MUC5B: variants seen among roughly 807,000 people sequenced by gnomAD.
The protein encoded by MUC5B is mucin 5B, oligomeric mucus/gel-forming, also known as mucin-5B.
Under a neutral mutation model 376.9 loss-of-function variants are expected in MUC5B, and 116 were observed. The ratio of observed to expected loss-of-function variants is 0.31; its 90% CI spans 0.26 to 0.36. The LOEUF is 0.36. MUC5B is among the 10% of genes least tolerant of loss of function. The pLI, the probability that MUC5B is intolerant of heterozygous loss-of-function variation, is 1.00. For missense variants in MUC5B, 7,165 were observed against 7,769.9 expected (o/e 0.92, Z 2.93); for synonymous variants, 3,517 against 3,390.9 (o/e 1.04, Z -1.29).
chr11:1,252,911 G>T lies in MUC5B; in HGVS notation c.15148G>T (p.Val5050Leu), dbSNP rs56284214. The change falls in exon 33 of 49, where the codon GTG (valine) becomes TTG (leucine). Residue 5050 changes from valine (V) to leucine (L), a missense_variant. This residue lies in a region of MUC5B where 842 missense variants were observed against 1,016.9 expected (regional missense o/e 0.83). Coordinates refer to ENST00000529681, the MANE Select transcript of MUC5B (RefSeq NM_002458.3). ...AAAGCCTGTGGCCAACGTCACCTGC[G>T]TGAACAAGCACCTGCCCATCAAAGT... ...DPKPVANVTC[V>L]NKHLPIKVSD... 328 of 1,612,668 alleles carry T rather than the reference G, an allele frequency of 2.0e-4. No homozygotes were observed. In the African/African-American group the frequency reaches 3.8e-3, roughly 19 times the overall value.
chr11:1,260,450 T>C, intron 47 of MUC5B, 57 bp downstream of exon 47: 7 of 1,592,316 alleles, frequency 4.4e-6, no homozygotes, highest in Non-Finnish European at 6.0e-6. Context: ...TCGCCACCCA[T>C]CCATTCCTGC....
chr11:1,243,812 C>A lies in MUC5B; in HGVS notation c.6932C>A (p.Thr2311Asn). ...TCGGCCCCCATAACCACGGTGGTGA[C>A]CATGGGCTGTGAGCCCCAGTGTGCC... ...PTSAPITTVV[T>N]MGCEPQCAWS... Residue 2311 changes from threonine to asparagine, a missense_variant, in exon 31 of 49, where the codon ACC becomes AAC. Physicochemically the swap from Thr to Asn is moderately conservative, Grantham distance 65. This residue lies in a region of MUC5B where 26 missense variants were observed against 36.2 expected (regional missense o/e 0.72). Transcript: ENST00000529681. The A allele has an allele frequency of 6.2e-7, 1 of 1,611,638 alleles. No individual in the cohort carries two copies. Among genetic ancestry groups the A allele is most frequent in the East Asian group, 2.2e-5 (1 of 44,854 alleles).
Position 1,229,238 on chromosome 11 carries a change from C to A in MUC5B, c.1045C>A (p.Pro349Thr), listed in dbSNP as rs548394656. ...GSPCTDTCSN[P>T]QRAQLCEDHC... ...ACCCTGCACGGACACCTGCTCCAAC[C>A]CCCAGCGCGCGCAGCTCTGCGAGGA... Residue 349 changes from proline (P) to threonine (T), a missense_variant, in exon 9 of 49, where the codon CCC (proline) becomes ACC (threonine). Physicochemically the swap from Pro to Thr is conservative, Grantham distance 38. Coordinates refer to ENST00000529681, the MANE Select transcript of MUC5B (RefSeq NM_002458.3). 1.8e-5 allele frequency: 28 copies of A among 1,596,000 alleles called. No homozygotes were observed. The East Asian group carries it at 6.1e-4, about 35-fold the overall frequency.
chr11:1,230,158 C>T lies in MUC5B; in HGVS notation c.1359+15C>T. 6.3e-7 allele frequency: 1 copy of T among 1,580,090 alleles called. No individual in the cohort carries two copies. Among genetic ancestry groups the T allele is most frequent in the Non-Finnish European group, 8.6e-7 (1 of 1,164,850 alleles). ...TTCTGTCCAAGGTCTGGGCTTGGGG[C>T]CGGGTCTTCAGACACCCAGACCCTC... On this transcript the variant is annotated intron_variant, in intron 11 of 48. Coordinates refer to ENST00000529681, the MANE Select transcript of MUC5B (RefSeq NM_002458.3).
chr11:1,233,293 C>T (rs765023878), intron 18 of MUC5B, 25 bp downstream of exon 18: 4 of 1,504,614 alleles, frequency 2.7e-6, no homozygotes, highest in Non-Finnish European at 3.6e-6. Flanking sequence ...GGAAAGCAGG[C>T]CCCCCAGGTG....
At chr11:1,225,077 G>A (rs1323899046) in intron 1 of MUC5B, among the ~76,000 whole-genome samples, 1 of 152,222 alleles carries the variant, frequency 6.6e-6, no homozygotes, top group Non-Finnish European at 1.5e-5. Flanking sequence ...GGGACCTTGG[G>A]CGGCCATCCC....
intron 33 of MUC5B, 34 bp from the exon 34 acceptor site, chr11:1,254,058 G>A (rs766988627): frequency 4.8e-5 from 77 of 1,595,714 alleles, no homozygotes; most frequent in Non-Finnish European, 5.5e-5. Flanking sequence ...GCACCACCAC[G>A]GAGCCTGCCA....
Position 1,231,000 on chromosome 11 carries a change from C to A in MUC5B, c.1535C>A (p.Ser512Ter). The change falls in exon 13 of 49, where the codon TCG becomes TAG. Residue 512 changes from serine to a stop codon, truncating the protein, a stop_gained. Transcript: ENST00000529681. LOFTEE classifies it high-confidence loss of function. ...TCCATCTACACGCAGCTGCCCCTGTCGGCAGGTATGTGGCTCTCCCAGGAC... is the reference window on the plus strand; with the variant it reads ...TCCATCTACACGCAGCTGCCCCTGTAGGCAGGTATGTGGCTCTCCCAGGAC... ...LNSIYTQLPL[S>*]AANITLFTPS... is the part of the protein sequence containing the mutation. 1 of 1,592,538 alleles carries A rather than the reference C, an allele frequency of 6.3e-7. No individual in the cohort carries two copies. Among genetic ancestry groups the A allele is most frequent in the Non-Finnish European group, 8.5e-7 (1 of 1,170,742 alleles).
Position 1,258,433 on chromosome 11 carries a change from C to A in MUC5B, c.16593+66C>A. 1 of 1,561,332 alleles carries A rather than the reference C, an allele frequency of 6.4e-7. No homozygotes were observed. Among genetic ancestry groups the A allele is most frequent in the Non-Finnish European group, 8.7e-7 (1 of 1,147,018 alleles). The stretch of plus-strand genomic sequence containing the variant: ...AACATGTGTGTGGGATGCCCCGGGG[C>A]TCTCTGAGCCCCACTCCTTGTCTTG... On this transcript the variant is annotated intron_variant, in intron 43 of 48. Transcript: ENST00000529681. The surrounding 1 kb of genome is among the most constrained non-coding windows in gnomAD (Gnocchi z 5.5).
Position 1,242,834 on chromosome 11 carries a change from C to T in MUC5B, c.5954C>T (p.Ser1985Phe). Residue 1985 changes from serine (S) to phenylalanine (F), a missense_variant, in exon 31 of 49, where the codon TCT (serine) becomes TTT (phenylalanine). Ser to Phe is a radical substitution (Grantham distance 155, BLOSUM62 -2). Coordinates refer to ENST00000529681, the MANE Select transcript of MUC5B (RefSeq NM_002458.3). ...PTATSVTPIP[S>F]SSLGTTWTRL... Reference sequence around the variant, plus strand: ...GCTACCAGCGTTACACCCATCCCCTCTTCCTCCCTGGGCACCACCTGGACC... The same window carrying T: ...GCTACCAGCGTTACACCCATCCCCTTTTCCTCCCTGGGCACCACCTGGACC... The T allele has an allele frequency of 6.2e-7, 1 of 1,613,472 alleles. No individual in the cohort carries two copies. The highest frequency in any genetic ancestry group is 8.5e-7 in the Non-Finnish European group (1 of 1,179,714).
intron 2 of MUC5B, 149 bp downstream of exon 2, chr11:1,225,886 G>A (rs780354328): frequency 3.7e-5 from 28 of 762,620 alleles, no homozygotes; most frequent in East Asian, 1.1e-4. Flanking sequence ...CCCAGCACCC[G>A]AGGCGGAGCT....
chr11:1,242,838 C>A lies in MUC5B; in HGVS notation c.5958C>A (p.Ser1986=). 6.2e-7 allele frequency: 1 copy of A among 1,613,450 alleles called. No homozygotes were observed. Among genetic ancestry groups the A allele is most frequent in the South Asian group, 1.1e-5 (1 of 91,040 alleles). The change falls in exon 31 of 49, where the codon TCC becomes TCA. Residue 1986 remains serine (S), a synonymous_variant. Coordinates refer to ENST00000529681, the MANE Select transcript of MUC5B (RefSeq NM_002458.3). ...TATSVTPIPS[S]SLGTTWTRLS... ...CCAGCGTTACACCCATCCCCTCTTC[C>A]TCCCTGGGCACCACCTGGACCCGCC... is the stretch of plus-strand genomic sequence containing the variant.
intron 23 of MUC5B, among the ~76,000 whole-genome samples, chr11:1,236,152 C>T (rs1862152106): frequency 6.6e-6 from 1 of 152,178 alleles, no homozygotes; most frequent in South Asian, 2.1e-4. Flanking sequence ...GCAGCCTCTG[C>T]TGCTCCCGTG....
Position 1,250,169 on chromosome 11 carries a change from C to T in MUC5B, c.13289C>T (p.Thr4430Met), listed in dbSNP as rs375954692. ...ACAGAGCTGACCACAACAGCCACTA[C>T]GACTGCGTCCACTGGATCCACGGCC... ...ILTELTTTATTTASTGSTATP... is the reference protein window; with the variant it reads ...ILTELTTTATMTASTGSTATP... The change falls in exon 31 of 49, where the codon ACG becomes ATG. Residue 4430 changes from threonine (T) to methionine (M), a missense_variant. Coordinates refer to ENST00000529681, the MANE Select transcript of MUC5B (RefSeq NM_002458.3). The T allele has an allele frequency of 1.2e-4, 186 of 1,588,678 alleles. 1 individual carries two copies. Among genetic ancestry groups the T allele is most frequent in the Middle Eastern group, 6.6e-4 (4 of 6,024 alleles).
At chr11:1,252,786 G>C in intron 32 of MUC5B, 23 bp from the exon 33 acceptor site, 11 of 1,584,528 alleles carry the variant, frequency 6.9e-6, no homozygotes, top group Non-Finnish European at 9.4e-6. Flanking sequence ...TCCAGGTGAG[G>C]ACGTGCATGT....
At position 1,240,359 on chromosome 11, in the gene MUC5B, C is replaced by T. The variant is rs1192840080; in HGVS notation, c.3954C>T (p.Val1318=). Residue 1318 remains valine (V), a synonymous_variant, in exon 30 of 49, where the codon GTC becomes GTT. Transcript: ENST00000529681. Reference sequence around the variant, plus strand: ...CATTCACCTTCACCACCGCCTGGGTCCCCCACTCCACGACAAGTAAGCCCT... The same window carrying T: ...CATTCACCTTCACCACCGCCTGGGTTCCCCACTCCACGACAAGTAAGCCCT... ...TTPFTFTTAW[V]PHSTTSPALP... is the part of the protein sequence containing the mutation. 1 of 1,600,880 alleles carries T rather than the reference C, an allele frequency of 6.2e-7. No individual in the cohort carries two copies. The highest frequency in any genetic ancestry group is 2.2e-5 in the East Asian group (1 of 44,602).
rs941969352 is a variant in MUC5B at position 1,234,821 on chromosome 11, GGA to G, written c.2630+149_2630+150del. The G allele has an allele frequency of 3.9e-5, 45 of 1,151,310 alleles. No individual in the cohort carries two copies. In the South Asian group the frequency reaches 4.1e-4, roughly 11 times the overall value. The allele number at this position is 1,151,310 out of a possible 1,614,324, so 71.3% of individuals were successfully genotyped here. A position where few individuals can be genotyped will look rare whatever the true frequency, so the allele number is the denominator to read the frequency against. On this transcript the variant is annotated intron_variant, in intron 21 of 48. Coordinates refer to ENST00000529681, the MANE Select transcript of MUC5B (RefSeq NM_002458.3). This position sits in a 1 kb window ranked among gnomAD's most constrained non-coding sequence, Gnocchi z 6.3. ...GCCAGGGTGAGGTGGGGCCGTGGCA[GGA>G]GAGAGAGTTGCTAGGAAAGCCATGG... is the stretch of plus-strand genomic sequence containing the variant.
At chr11:1,239,598 C>T in intron 27 of MUC5B, 32 bp downstream of exon 27, 2 of 1,542,372 alleles carry the variant, frequency 1.3e-6, no homozygotes, top group Non-Finnish European at 8.8e-7. Context: ...ATGGAGCCTC[C>T]TCTCCTTGGG....
intron 44 of MUC5B, among the ~76,000 whole-genome samples, chr11:1,259,334 C>T (rs556895951): frequency 6.0e-4 from 91 of 151,760 alleles, no homozygotes; most frequent in African/African-American, 2.1e-3. Flanking sequence ...AAGTGAGACC[C>T]GAGGCACCTG....
Sources: allele counts gnomAD v4.1 joint callset (sites outside exome capture counted in the v4.1 genomes callset), GRCh38; gene constraint gnomAD v4.1.1; regional missense constraint gnomAD v4.1.1; non-coding constraint Gnocchi (gnomAD v3.1); transcripts MANE v1.5; gene names NCBI Gene and HGNC (gene_info 2026-07-23, HGNC 2026-07-21).